Variants in RHBDD1 observed in about 807,000 individuals in gnomAD.
RHBDD1 encodes rhomboid-related protein 4.
RHBDD1 carries 38 observed loss-of-function variants against 36.3 expected under a neutral mutation model. The ratio of observed to expected loss-of-function variants is 1.05; its 90% CI spans 0.81 to 1.37. The LOEUF is 1.37. Among genes scored for constraint, RHBDD1 ranks in the 40% most tolerant of loss-of-function variants. The pLI is 0.00. For synonymous variants in RHBDD1, 151 were observed against 136.5 expected, an observed-to-expected ratio of 1.11 and a Z score of -0.74; for missense variants, 393 against 377.6, an observed-to-expected ratio of 1.04 and a Z score of -0.34.
intron 5 of RHBDD1, among the ~76,000 whole-genome samples, chr2:226,877,996 G>T (rs560608325): frequency 5.9e-5 from 9 of 152,308 alleles, no homozygotes; most frequent in African/African-American, 2.2e-4. Flanking sequence ...GGCAGATCAT[G>T]TCTTAATGTT....
upstream of RHBDD1, among the ~76,000 whole-genome samples, chr2:226,833,474 C>G (rs911950883): frequency 1.3e-5 from 2 of 152,220 alleles, no homozygotes; most frequent in African/African-American, 4.8e-5. Context: ...GTTACCACCA[C>G]TCCTCCGCTT....
intron 5 of RHBDD1, among the ~76,000 whole-genome samples, chr2:226,883,279 A>G (rs1945925278): frequency 6.6e-6 from 1 of 152,248 alleles, no homozygotes; most frequent in African/African-American, 2.4e-5. Context: ...GTGCATGAAC[A>G]TATATTGTGT....
In RHBDD1 at chr2:226,933,882, A is replaced by C. The variant is rs890193994; in HGVS notation, c.856+19531A>C. On this transcript the variant is annotated intron_variant, in intron 8 of 8. Coordinates refer to ENST00000392062, the MANE Select transcript of RHBDD1 (RefSeq NM_001167608.3). ...CTATTTATCAATTTTGTTTTCTTAC[A>C]TAAAGAGGATTTTTCCATCATGAAA... Among the ~76,000 whole-genome samples the C allele has an allele frequency of 1.3e-5, 2 of 152,158 alleles. 1 individual carries two copies. Among genetic ancestry groups the C allele is most frequent in the Admixed American group, 1.3e-4 (2 of 15,252 alleles).
chr2:226,983,936 G>A (rs556000929), intron 8 of RHBDD1, among the ~76,000 whole-genome samples: 3 of 152,180 alleles, frequency 2.0e-5, no homozygotes, highest in Non-Finnish European at 4.4e-5. Flanking sequence ...TGGGCAAAAC[G>A]CAATGGTGTG....
rs971576373 is a variant in RHBDD1 at position 226,850,841 on chromosome 2, T to C, written c.-91+11214T>C. Among the ~76,000 whole-genome samples, 6 of 152,102 alleles carry C rather than the reference T, an allele frequency of 3.9e-5. No individual in the cohort carries two copies. The East Asian group carries it at 1.2e-3, about 29-fold the overall frequency. The stretch of plus-strand genomic sequence containing the variant: ...GTTTGTATGCATAAAAGGACTCCTA[T>C]TTGCTACAGAATCTTCCATGAGACT... On this transcript the variant is annotated intron_variant, in intron 3 of 8. Coordinates refer to ENST00000392062, the MANE Select transcript of RHBDD1 (RefSeq NM_001167608.3).
the RHBDD1 span, among the ~76,000 whole-genome samples, chr2:226,812,170 G>A: frequency 4.5e-4 from 68 of 152,376 alleles, no homozygotes; most frequent in African/African-American, 1.6e-3. Flanking sequence ...TAGGCTAGGA[G>A]TACAAGGTTA....
intron 8 of RHBDD1, among the ~76,000 whole-genome samples, chr2:226,930,040 T>A (rs567192713): frequency 6.6e-6 from 1 of 152,140 alleles, no homozygotes; most frequent in South Asian, 2.1e-4. Flanking sequence ...ATGTCCCATG[T>A]TCAGGTATTG....
At chr2:226,837,995 C>T (rs1355631541) in intron 1 of RHBDD1, 78 bp from the exon 2 acceptor site, 3 of 152,218 alleles carry the variant, frequency 2.0e-5, no homozygotes, top group African/African-American at 7.2e-5. Context: ...CCTCCATTTT[C>T]AGGAAGGATC....
At chr2:226,884,082 G>A (rs2125422675) in intron 5 of RHBDD1, among the ~76,000 whole-genome samples, 1 of 152,270 alleles carries the variant, frequency 6.6e-6, no homozygotes, top group African/African-American at 2.4e-5. Context: ...CAACTAATAA[G>A]ATGATAAATC....
chr2:226,897,988 A>AC lies in RHBDD1; in HGVS notation c.567-8805_567-8804insC, dbSNP rs1553560877. ...GAGCAAAACTCCGTCTCAAAAAACA[A>AC]AACAACAACAACAACAACAAAACAA... On this transcript the variant is annotated intron_variant, in intron 5 of 8. Coordinates refer to ENST00000392062, the MANE Select transcript of RHBDD1 (RefSeq NM_001167608.3). Among the ~76,000 whole-genome samples the AC allele has an allele frequency of 2.7e-4, 41 of 151,912 alleles. 1 individual carries two copies. The South Asian group carries it at 8.6e-3, about 32-fold the overall frequency.
chr2:226,850,194 G>A (rs547614746), intron 3 of RHBDD1, among the ~76,000 whole-genome samples: 1 of 152,306 alleles, frequency 6.6e-6, no homozygotes, highest in Admixed American at 6.5e-5. Flanking sequence ...ACAATGAATA[G>A]ACTGGCCAAG....
At chr2:226,986,330 T>G (rs893250485) in intron 8 of RHBDD1, among the ~76,000 whole-genome samples, 5 of 152,198 alleles carry the variant, frequency 3.3e-5, no homozygotes, top group Admixed American at 2.6e-4. Context: ...TGTCTGGAAT[T>G]TAGTTCAGAG....
upstream of RHBDD1, among the ~76,000 whole-genome samples, chr2:226,831,629 C>T (rs1940742429): frequency 6.6e-6 from 1 of 152,118 alleles, no homozygotes; most frequent in Non-Finnish European, 1.5e-5. Context: ...GCCCTGCCAA[C>T]ACTTTGATCG....
intron 5 of RHBDD1, among the ~76,000 whole-genome samples, chr2:226,871,045 T>C (rs1486868497): frequency 6.6e-6 from 1 of 152,220 alleles, no homozygotes; most frequent in Non-Finnish European, 1.5e-5. Context: ...TGGATACTGC[T>C]TCATTGCTAA....
intron 8 of RHBDD1, among the ~76,000 whole-genome samples, chr2:226,923,617 CCTCT>C (rs1949474229): frequency 6.7e-6 from 1 of 149,484 alleles, no homozygotes. Flanking sequence ...TACTTCTATC[CCTCT>C]CTCTCTCCAT....
intron 8 of RHBDD1, among the ~76,000 whole-genome samples, chr2:226,948,564 T>TAAAAAAAAAAAAAAAAAAAAAGAAA (rs56325989): frequency 1.3e-4 from 3 of 23,534 alleles, no homozygotes; most frequent in Non-Finnish European, 2.5e-4. Flanking sequence ...ACTTAAAGTA[T>TAAAAAAAAAAAAAAAAAAAAAGAAA]AAAAAAAAAA....
intron 8 of RHBDD1, among the ~76,000 whole-genome samples, chr2:226,923,376 TC>T (rs1389480449): frequency 6.6e-6 from 1 of 152,188 alleles, no homozygotes; most frequent in Non-Finnish European, 1.5e-5. Context: ...TCCACTGAAG[TC>T]CGCTGTCAGA....
rs550375342 is a variant in RHBDD1 at position 226,891,769 on chromosome 2, G to A, written c.567-15024G>A. 1.2e-4 allele frequency among the ~76,000 whole-genome samples: 18 copies of A among 152,284 alleles called. No homozygotes were observed. In the East Asian group the frequency reaches 1.4e-3, roughly 11 times the overall value. ...AAACTGAACCATAAAAAGACTTATCGGAAGGATATCAGATAGCTTCTAATA... is the reference window on the plus strand; with the variant it reads ...AAACTGAACCATAAAAAGACTTATCAGAAGGATATCAGATAGCTTCTAATA... On this transcript the variant is annotated intron_variant, in intron 5 of 8. Coordinates refer to ENST00000392062, the MANE Select transcript of RHBDD1 (RefSeq NM_001167608.3).
intron 8 of RHBDD1, among the ~76,000 whole-genome samples, chr2:226,958,687 G>C (rs931574854): frequency 1.1e-4 from 16 of 147,790 alleles, no homozygotes; most frequent in African/African-American, 3.8e-4. Context: ...TTTGAGTTTA[G>C]GATGAAGGAT....
Sources: allele counts gnomAD v4.1 joint callset (sites outside exome capture counted in the v4.1 genomes callset), GRCh38; gene constraint gnomAD v4.1.1; transcripts MANE v1.5; gene names NCBI Gene and HGNC (gene_info 2026-07-23, HGNC 2026-07-21).